The following NXPE2 variants were observed in gnomAD, a reference collection of about 807,000 sequenced individuals.
NXPE2 encodes neurexophilin and PC-esterase domain family member 2.
In NXPE2, 34 loss-of-function variants were observed where a neutral mutation model predicts 34.4. That is an observed-to-expected ratio of 0.99 (90% CI 0.75 to 1.31). The LOEUF (loss-of-function observed/expected upper bound fraction) is 1.31, where lower values mean the gene tolerates loss of function less well. NXPE2 is among the 40% of genes most tolerant of loss of function. The pLI, the probability that NXPE2 is intolerant of heterozygous loss-of-function variation, is 0.00. For synonymous variants in NXPE2, 235 were observed against 231.3 expected (o/e 1.02, Z -0.15); for missense variants, 649 against 672.5 (o/e 0.97, Z 0.39).
the NXPE2 span, among the ~76,000 whole-genome samples, chr11:114,633,907 G>C: frequency 2.6e-5 from 4 of 151,728 alleles, no homozygotes; most frequent in African/African-American, 9.7e-5. Context: ...ATTGTGAGTA[G>C]TGCCACAATA....
chr11:114,783,594 CAAGA>C, the NXPE2 span, among the ~76,000 whole-genome samples: 27 of 152,186 alleles, frequency 1.8e-4, 1 homozygote, highest in Non-Finnish European at 3.2e-4. Context: ...AGACAATTAG[CAAGA>C]AAGACTGTTT....
At chr11:114,575,227 C>T in the NXPE2 span, among the ~76,000 whole-genome samples, 1 of 152,060 alleles carries the variant, frequency 6.6e-6, no homozygotes, top group African/African-American at 2.4e-5. Context: ...AAACCCCTAG[C>T]CAACATAATA....
the NXPE2 span, among the ~76,000 whole-genome samples, chr11:114,559,531 TAG>T: frequency 5.3e-5 from 8 of 152,162 alleles, no homozygotes; most frequent in Non-Finnish European, 1.2e-4. Flanking sequence ...GGTTGGTTAT[TAG>T]AGAAATATTT....
the NXPE2 span, among the ~76,000 whole-genome samples, chr11:114,786,441 G>C: frequency 2.0e-5 from 3 of 148,004 alleles, no homozygotes; most frequent in African/African-American, 7.5e-5. Flanking sequence ...ATGAGGTTCT[G>C]AGTTTCACTC....
the NXPE2 span, among the ~76,000 whole-genome samples, chr11:114,580,505 A>G: frequency 1.3e-5 from 2 of 152,166 alleles, no homozygotes; most frequent in Non-Finnish European, 2.9e-5. Context: ...TTTTTTTAAT[A>G]AAAATTTTTC....
At chr11:114,538,121 G>A in the NXPE2 span, among the ~76,000 whole-genome samples, 1 of 152,054 alleles carries the variant, frequency 6.6e-6, no homozygotes, top group African/African-American at 2.4e-5. Flanking sequence ...CAGAAATAAT[G>A]CCACATATCT....
the NXPE2 span, among the ~76,000 whole-genome samples, chr11:114,625,206 A>G: frequency 6.6e-6 from 1 of 152,160 alleles, no homozygotes; most frequent in Non-Finnish European, 1.5e-5. Flanking sequence ...CTTGTGGGTA[A>G]CCACTGTTAC....
the NXPE2 span, among the ~76,000 whole-genome samples, chr11:114,592,188 G>T: frequency 3.3e-5 from 5 of 152,038 alleles, no homozygotes; most frequent in African/African-American, 4.8e-5. Flanking sequence ...TTAAGTCAGA[G>T]AAATAAATAA....
chr11:114,519,084 G>T, the NXPE2 span, among the ~76,000 whole-genome samples: 11 of 152,264 alleles, frequency 7.2e-5, no homozygotes, highest in Admixed American at 3.9e-4. Flanking sequence ...TAGGCATAAT[G>T]TGACCAATTG....
the NXPE2 span, among the ~76,000 whole-genome samples, chr11:114,735,088 C>G: frequency 3.6e-4 from 55 of 151,996 alleles, 1 homozygote; most frequent in Middle Eastern, 3.2e-3. Flanking sequence ...CTAGCCTGGG[C>G]AACAGAGCAA....
At chr11:114,605,197 T>A in the NXPE2 span, among the ~76,000 whole-genome samples, 1 of 151,890 alleles carries the variant, frequency 6.6e-6, no homozygotes, top group Non-Finnish European at 1.5e-5. Context: ...TCTTACCCAG[T>A]GGATAATAAG....
At chr11:114,758,907 C>T in the NXPE2 span, among the ~76,000 whole-genome samples, 3 of 150,422 alleles carry the variant, frequency 2.0e-5, no homozygotes, top group African/African-American at 7.3e-5. Flanking sequence ...TATATTTTTA[C>T]TATATGTGTA....
chr11:114,706,317 T>C, intron 5 of NXPE2, 78 bp from the exon 6 acceptor site: 1 of 1,244,894 alleles, frequency 8.0e-7, no homozygotes, highest in Non-Finnish European at 1.1e-6. Flanking sequence ...TTGGTTAGAA[T>C]TTTATACATG....
chr11:114,615,129 A>G, the NXPE2 span, among the ~76,000 whole-genome samples: 1 of 151,938 alleles, frequency 6.6e-6, no homozygotes, highest in Admixed American at 6.6e-5. Flanking sequence ...ACAGGTGCAT[A>G]ATAAGTGTTA....
the NXPE2 span, among the ~76,000 whole-genome samples, chr11:114,627,348 G>T: frequency 6.6e-6 from 1 of 152,044 alleles, no homozygotes; most frequent in Admixed American, 6.6e-5. Context: ...AGCCAGAAGA[G>T]AGTGGGGACC....
At chr11:114,780,325 A>C in the NXPE2 span, among the ~76,000 whole-genome samples, 2 of 152,164 alleles carry the variant, frequency 1.3e-5, no homozygotes, top group Non-Finnish European at 2.9e-5. Context: ...CCCCAACAGG[A>C]GGCCTCGGCT....
the NXPE2 span, among the ~76,000 whole-genome samples, chr11:114,778,143 C>T: frequency 6.6e-6 from 1 of 152,016 alleles, no homozygotes; most frequent in African/African-American, 2.4e-5. Flanking sequence ...CCAGAGTAAA[C>T]AATGTTTAAG....
intron 2 of NXPE2, among the ~76,000 whole-genome samples, chr11:114,689,538 G>A (rs1400215998): frequency 6.6e-6 from 1 of 152,114 alleles, no homozygotes; most frequent in African/African-American, 2.4e-5. Flanking sequence ...TTCATGTGCA[G>A]ATGAGAAGAA....
Position 114,698,050 on chromosome 11 carries a change from G to T in NXPE2, c.138G>T (p.Ser46=), listed in dbSNP as rs118073951. ...TTTCCCTTTCAATATTTCAGTTCTC[G>T]TTCAACTTGGAAAACCATATTATCC... ...YLASKDHTKF[S]FNLENHIILN... Residue 46 remains serine (S), a synonymous_variant, in exon 3 of 6, where the codon TCG becomes TCT. Coordinates refer to ENST00000389586, the MANE Select transcript of NXPE2 (RefSeq NM_182495.6). The T allele has an allele frequency of 2.0e-6, 3 of 1,490,746 alleles. No individual in the cohort carries two copies. The highest frequency in any genetic ancestry group is 4.7e-5 in the Admixed American group (2 of 42,492). The allele number at this position is 1,490,746 out of a possible 1,614,324, so 92.3% of individuals were successfully genotyped here.
Sources: allele counts gnomAD v4.1 joint callset (sites outside exome capture counted in the v4.1 genomes callset), GRCh38; gene constraint gnomAD v4.1.1; transcripts MANE v1.5; gene names NCBI Gene and HGNC (gene_info 2026-07-23, HGNC 2026-07-21).